MTHFD1L: variants seen among roughly 807,000 people sequenced by gnomAD.
MTHFD1L encodes monofunctional C1-tetrahydrofolate synthase, mitochondrial.
A neutral mutation model predicts 119.5 loss-of-function variants in MTHFD1L; 81 were observed. That is an observed-to-expected ratio of 0.68 (90% CI 0.57 to 0.82). The LOEUF is 0.82. Ranked by LOEUF, MTHFD1L falls within the 40% of genes least tolerant of loss-of-function variation. MTHFD1L has a pLI of 0.00. For missense variants in MTHFD1L, 1,125 were observed against 1,253.4 expected, an observed-to-expected ratio of 0.90 and a Z score of 1.55; for synonymous variants, 430 against 475.2, an observed-to-expected ratio of 0.90 and a Z score of 1.24.
At chr6:150,938,487 A>G (rs1792502818) in intron 12 of MTHFD1L, among the ~76,000 whole-genome samples, 1 of 152,018 alleles carries the variant, frequency 6.6e-6, no homozygotes, top group African/African-American at 2.4e-5. Flanking sequence ...TTTTTAAGCA[A>G]AGAAACAGAG....
chr6:150,991,475 T>G (rs1039648100), intron 20 of MTHFD1L, among the ~76,000 whole-genome samples: 3 of 152,196 alleles, frequency 2.0e-5, no homozygotes, highest in African/African-American at 7.2e-5. Context: ...TGCCTGGAGG[T>G]AATGGAATCA....
At chr6:150,907,712 C>G (rs1562357045) in intron 8 of MTHFD1L, among the ~76,000 whole-genome samples, 2 of 152,100 alleles carry the variant, frequency 1.3e-5, no homozygotes. Flanking sequence ...CCTTTCCCAC[C>G]ATCATAAAGT....
intron 7 of MTHFD1L, among the ~76,000 whole-genome samples, chr6:150,903,042 G>A (rs924677458): frequency 6.6e-6 from 1 of 151,882 alleles, no homozygotes; most frequent in Non-Finnish European, 1.5e-5. Context: ...ATATATAAAT[G>A]AAGAAATAAA....
chr6:151,008,378 A>G (rs1183967141), intron 20 of MTHFD1L, among the ~76,000 whole-genome samples: 2 of 152,194 alleles, frequency 1.3e-5, no homozygotes, highest in East Asian at 3.8e-4. Context: ...TTTACTTTGT[A>G]TTAACTCAGT....
At chr6:151,059,064 C>T (rs1473701451) in intron 26 of MTHFD1L, among the ~76,000 whole-genome samples, 5 of 152,122 alleles carry the variant, frequency 3.3e-5, no homozygotes, top group Admixed American at 6.5e-5. Flanking sequence ...GTGGTAAGCG[C>T]GCTGAAGGAG....
At chr6:151,036,338 A>G (rs1210365413) in intron 25 of MTHFD1L, among the ~76,000 whole-genome samples, 1 of 152,230 alleles carries the variant, frequency 6.6e-6, no homozygotes, top group Non-Finnish European at 1.5e-5. Context: ...GTGCCATTTA[A>G]TCAGAACCAG....
intron 17 of MTHFD1L, 93 bp downstream of exon 17, chr6:150,956,164 C>T: frequency 7.7e-7 from 1 of 1,298,968 alleles, no homozygotes; most frequent in Non-Finnish European, 1.1e-6. Flanking sequence ...GTCTCATCCC[C>T]AACCTGTTGT....
At chr6:150,876,255 G>A in intron 2 of MTHFD1L, 81 bp downstream of exon 2, 9 of 1,156,068 alleles carry the variant, frequency 7.8e-6, no homozygotes, top group Non-Finnish European at 1.1e-5. Flanking sequence ...AAGAGCAGCT[G>A]CATTTCTTGC....
In MTHFD1L at chr6:150,865,915, T is replaced by TAGC; in HGVS notation, c.97_99dup (p.Ser33dup). On this transcript the variant is annotated inframe_insertion, in exon 1 of 28. Coordinates refer to ENST00000367321, the MANE Select transcript of MTHFD1L (RefSeq NM_015440.5). ...GCCGCCTCCGTGTGCCCTGTCGCGC[T>TAGC]AGCAGCGGCGGCGGCGGAGGCGGCG... 8 of 1,197,636 alleles carry TAGC rather than the reference T, an allele frequency of 6.7e-6. No individual in the cohort carries two copies. The highest frequency in any genetic ancestry group is 8.3e-6 in the Non-Finnish European group (8 of 969,004). The allele number at this position is 1,197,636 out of a possible 1,614,324, so 74.2% of individuals were successfully genotyped here.
At chr6:150,871,891 A>ATTTTTTTTTTTTTTTTTTTTTTTT (rs1562287413) in intron 1 of MTHFD1L, among the ~76,000 whole-genome samples, 1 of 147,054 alleles carries the variant, frequency 6.8e-6, no homozygotes, top group African/African-American at 2.5e-5. Context: ...ATTTTATTTT[A>ATTTTTTTTTTTTTTTTTTTTTTTT]TTTTTTGAGA....
intron 11 of MTHFD1L, among the ~76,000 whole-genome samples, chr6:150,931,023 TGA>T (rs1790943820): frequency 6.6e-6 from 1 of 152,200 alleles, no homozygotes; most frequent in Non-Finnish European, 1.5e-5. Flanking sequence ...TAGGGACTCA[TGA>T]GTTTTACATA....
At chr6:150,911,897 C>G (rs896506963) in intron 8 of MTHFD1L, among the ~76,000 whole-genome samples, 1 of 152,154 alleles carries the variant, frequency 6.6e-6, no homozygotes, top group Non-Finnish European at 1.5e-5. Context: ...ATGGGGAAAA[C>G]CACCCCCATG....
intron 11 of MTHFD1L, among the ~76,000 whole-genome samples, chr6:150,927,201 T>TA (rs1410762128): frequency 1.3e-5 from 2 of 152,162 alleles, no homozygotes; most frequent in Non-Finnish European, 2.9e-5. Flanking sequence ...AGAAATATTC[T>TA]AAAAATTCAG....
chr6:150,876,638 T>C (rs1297969212), intron 2 of MTHFD1L, among the ~76,000 whole-genome samples: 2 of 152,218 alleles, frequency 1.3e-5, no homozygotes, highest in African/African-American at 4.8e-5. Context: ...CAAAAGGGCT[T>C]TGCATTCCAC....
chr6:150,911,416 CA>C (rs1466854637), intron 8 of MTHFD1L, among the ~76,000 whole-genome samples: 3 of 152,040 alleles, frequency 2.0e-5, no homozygotes, highest in Non-Finnish European at 1.5e-5. Flanking sequence ...AAAATTTTAC[CA>C]AATGATATGT....
chr6:150,939,937 A>G (rs1447281580), intron 13 of MTHFD1L, among the ~76,000 whole-genome samples: 2 of 152,010 alleles, frequency 1.3e-5, no homozygotes, highest in Non-Finnish European at 2.9e-5. Flanking sequence ...CACTGGTCTC[A>G]GCCTCCCAAA....
intron 1 of MTHFD1L, among the ~76,000 whole-genome samples, chr6:150,870,708 C>T (rs909300531): frequency 2.0e-5 from 3 of 151,900 alleles, no homozygotes; most frequent in African/African-American, 4.8e-5. Flanking sequence ...GTCAGGAGTT[C>T]GAGACCAGCC....
chr6:150,970,209 T>C (rs747250934), intron 19 of MTHFD1L, among the ~76,000 whole-genome samples: 1 of 152,180 alleles, frequency 6.6e-6, no homozygotes, highest in Non-Finnish European at 1.5e-5. Context: ...TTAAGAATAT[T>C]GATTGATTGA....
chr6:151,009,814 C>A lies in MTHFD1L; in HGVS notation c.2126-5C>A, dbSNP rs570366445. The A allele has an allele frequency of 9.9e-6, 16 of 1,613,500 alleles. No homozygotes were observed. The South Asian group carries it at 1.7e-4, about 17-fold the overall frequency. ...ATAGCACATATTCCACTTGCTTCCCCACAGTGACCGAAGCTGGCTTTGGTG... is the reference window on the plus strand; with the variant it reads ...ATAGCACATATTCCACTTGCTTCCCAACAGTGACCGAAGCTGGCTTTGGTG... On this transcript the variant is annotated splice_region_variant and splice_polypyrimidine_tract_variant and intron_variant, in intron 20 of 27. Transcript: ENST00000367321.
Sources: allele counts gnomAD v4.1 joint callset (sites outside exome capture counted in the v4.1 genomes callset), GRCh38; gene constraint gnomAD v4.1.1; transcripts MANE v1.5; gene names NCBI Gene and HGNC (gene_info 2026-07-23, HGNC 2026-07-21).